The following NRG2 variants were observed in gnomAD, a reference collection of about 807,000 sequenced individuals.
The protein encoded by NRG2 is neuregulin 2.
NRG2 carries 27 observed loss-of-function variants against 73.9 expected under a neutral mutation model. That is an observed-to-expected ratio of 0.37 (90% confidence interval 0.27 to 0.50). The LOEUF (loss-of-function observed/expected upper bound fraction) is 0.50, where lower values mean the gene tolerates loss of function less well. Ranked by LOEUF, NRG2 falls within the 20% of genes least tolerant of loss-of-function variation. The probability of loss-of-function intolerance (pLI) is 0.96; values close to 1 mark genes in which losing one functional copy is unlikely to be tolerated. For synonymous variants in NRG2, 532 were observed against 541.0 expected, an observed-to-expected ratio of 0.98 and a Z score of 0.23; for missense variants, 1,126 against 1,210.1, an observed-to-expected ratio of 0.93 and a Z score of 1.03.
intron 1 of NRG2, among the ~76,000 whole-genome samples, chr5:139,957,836 G>T (rs1451564194): frequency 6.6e-6 from 1 of 152,204 alleles, no homozygotes; most frequent in Non-Finnish European, 1.5e-5. Flanking sequence ...GATGGTGGAA[G>T]AGAAGCCCCA....
intron 1 of NRG2, among the ~76,000 whole-genome samples, chr5:139,992,732 G>T (rs888103024): frequency 6.6e-6 from 1 of 152,134 alleles, no homozygotes; most frequent in Non-Finnish European, 1.5e-5. Context: ...AAACACCTTT[G>T]TACCACTACC....
intron 1 of NRG2, among the ~76,000 whole-genome samples, chr5:139,953,760 G>C (rs1204702887): frequency 2.0e-5 from 3 of 152,192 alleles, no homozygotes; most frequent in South Asian, 4.1e-4. Context: ...TGCTGAGAGG[G>C]AGAAGGAAAG....
chr5:139,957,427 A>G (rs1754722173), intron 1 of NRG2, among the ~76,000 whole-genome samples: 1 of 152,002 alleles, frequency 6.6e-6, no homozygotes, highest in South Asian at 2.1e-4. Flanking sequence ...CCCAGAGAGG[A>G]TGTAGCCCCA....
chr5:139,958,229 T>C (rs1272863879), intron 1 of NRG2, among the ~76,000 whole-genome samples: 1 of 152,086 alleles, frequency 6.6e-6, no homozygotes, highest in African/African-American at 2.4e-5. Flanking sequence ...AAGCAGAAGA[T>C]GTGTTCACCT....
At chr5:139,987,641 G>T (rs1008760930) in intron 1 of NRG2, among the ~76,000 whole-genome samples, 1 of 152,210 alleles carries the variant, frequency 6.6e-6, no homozygotes, top group African/African-American at 2.4e-5. Flanking sequence ...AGGACAGGTG[G>T]ATGTTGCCTC....
intron 4 of NRG2, among the ~76,000 whole-genome samples, chr5:139,867,499 C>T (rs562469045): frequency 1.3e-5 from 2 of 152,302 alleles, no homozygotes; most frequent in East Asian, 1.9e-4. Flanking sequence ...CCCTATTCAT[C>T]CCAGCTCAGG....
Position 139,865,114 on chromosome 5 carries a change from C to T in NRG2, c.1189+435G>A, listed in dbSNP as rs1486856211. ...AGAAGAAATAGAAGAAAGAGACATA[C>T]TGGAGAAGTTGACCATTGCGAACTG... On this transcript the variant is annotated intron_variant, in intron 5 of 9. Coordinates refer to ENST00000361474, the MANE Select transcript of NRG2 (RefSeq NM_004883.3). This position sits in a 1 kb window ranked among gnomAD's most constrained non-coding sequence, Gnocchi z 5.2. 1.2e-6 allele frequency: 2 copies of T among 1,612,162 alleles called. No individual in the cohort carries two copies. The highest frequency in any genetic ancestry group is 3.3e-5 in the Admixed American group (2 of 60,010).
intron 1 of NRG2, among the ~76,000 whole-genome samples, chr5:139,928,441 C>T (rs1561685925): frequency 6.6e-6 from 1 of 152,334 alleles, no homozygotes; most frequent in East Asian, 1.9e-4. Flanking sequence ...ACACTCTACA[C>T]GTAAGTGCTT....
chr5:139,975,123 G>A (rs1756288027), intron 1 of NRG2, among the ~76,000 whole-genome samples: 1 of 152,094 alleles, frequency 6.6e-6, no homozygotes, highest in Admixed American at 6.5e-5. Flanking sequence ...CAATAATATC[G>A]CGATGTCCCT....
intron 1 of NRG2, among the ~76,000 whole-genome samples, chr5:139,999,192 T>A (rs1388286291): frequency 6.6e-6 from 1 of 152,102 alleles, no homozygotes; most frequent in Admixed American, 6.5e-5. Context: ...AGTAGGAACC[T>A]TAATAATACA....
intron 4 of NRG2, among the ~76,000 whole-genome samples, chr5:139,867,119 C>T (rs1264836044): frequency 6.6e-6 from 1 of 152,204 alleles, no homozygotes; most frequent in Non-Finnish European, 1.5e-5. Context: ...TATATAGCAA[C>T]TGTCAGGAAG....
chr5:139,995,463 G>C (rs900222388), intron 1 of NRG2, among the ~76,000 whole-genome samples: 2 of 152,192 alleles, frequency 1.3e-5, no homozygotes, highest in African/African-American at 4.8e-5. Flanking sequence ...TTCAGCCCCA[G>C]ATGCTGCATG....
In NRG2 at chr5:139,888,865, T is replaced by C. The variant is rs901819301; in HGVS notation, c.701-1354A>G. On this transcript the variant is annotated intron_variant, in intron 1 of 9. Coordinates refer to ENST00000361474, the MANE Select transcript of NRG2 (RefSeq NM_004883.3). ...CTTCCTTTGTCTCCATACTCATAAA[T>C]AACACCTCCCCCCATTTTTAAACAA... Among the ~76,000 whole-genome samples the C allele has an allele frequency of 7.2e-5, 11 of 152,304 alleles. 1 individual carries two copies. The highest frequency in any genetic ancestry group is 6.5e-4 in the Admixed American group (10 of 15,298).
intron 1 of NRG2, among the ~76,000 whole-genome samples, chr5:139,889,496 T>C (rs1270773055): frequency 1.3e-5 from 2 of 152,188 alleles, no homozygotes; most frequent in African/African-American, 4.8e-5. Context: ...CTTTCAGAAA[T>C]ATTTTATGCA....
At chr5:139,957,218 T>C (rs969285280) in intron 1 of NRG2, among the ~76,000 whole-genome samples, 17 of 152,168 alleles carry the variant, frequency 1.1e-4, no homozygotes, top group African/African-American at 4.1e-4. Context: ...GCTTCTCATG[T>C]CCAGCTTTGG....
chr5:139,883,226 G>GCCCTCCC (rs946505456), intron 2 of NRG2, among the ~76,000 whole-genome samples: 2 of 116,982 alleles, frequency 1.7e-5, no homozygotes, highest in Admixed American at 8.6e-5. Context: ...TGGTGACCAC[G>GCCCTCCC]CCCTCCCCCC....
At chr5:140,014,438 T>C (rs1330191639) in intron 1 of NRG2, among the ~76,000 whole-genome samples, 1 of 152,106 alleles carries the variant, frequency 6.6e-6, no homozygotes, top group East Asian at 1.9e-4. Context: ...GGTTTTGCCA[T>C]GTTGCCCAGG....
intron 1 of NRG2, among the ~76,000 whole-genome samples, chr5:139,938,905 A>AAAAGAAAG (rs1164805368): frequency 0.043 from 3,207 of 75,434 alleles, 87 homozygotes; most frequent in East Asian, 0.082. Flanking sequence ...AGAAAGAAAG[A>AAAAGAAAG]AAAGAAAGAA....
chr5:139,859,644 A>C (rs1762017580), intron 5 of NRG2, among the ~76,000 whole-genome samples: 1 of 151,926 alleles, frequency 6.6e-6, no homozygotes, highest in Non-Finnish European at 1.5e-5. Flanking sequence ...TATGTGAGGG[A>C]TGCTACGGTA....
Sources: gnomAD v4.1 joint callset for allele counts (sites outside exome capture counted in the v4.1 genomes callset) on GRCh38, gnomAD v4.1.1 for gene constraint, Gnocchi (gnomAD v3.1) non-coding constraint, MANE v1.5 for transcripts, NCBI Gene and HGNC (gene_info 2026-07-23, HGNC 2026-07-21) for gene names.